The following NXPE2 variants were observed in gnomAD, a reference collection of about 807,000 sequenced individuals.
NXPE2 encodes neurexophilin and PC-esterase domain family member 2.
In NXPE2, 34 loss-of-function variants were observed where a neutral mutation model predicts 34.4. The observed-to-expected ratio is 0.99, with a 90% CI of 0.75 to 1.31. The LOEUF (loss-of-function observed/expected upper bound fraction) is 1.31. Ranked by LOEUF, NXPE2 falls within the 40% of genes most tolerant of loss-of-function variation. The probability of loss-of-function intolerance (pLI) is 0.00; values close to 1 mark genes in which losing one functional copy is unlikely to be tolerated. For synonymous variants in NXPE2, 235 were observed against 231.3 expected, an observed-to-expected ratio of 1.02 and a Z score of -0.15; for missense variants, 649 against 672.5, an observed-to-expected ratio of 0.97 and a Z score of 0.39.
At chr11:114,478,467 A>T in the NXPE2 span, among the ~76,000 whole-genome samples, 2 of 152,146 alleles carry the variant, frequency 1.3e-5, no homozygotes, top group Admixed American at 1.3e-4. Flanking sequence ...AAGGGAGAGG[A>T]GGTGTCTTTC....
the NXPE2 span, among the ~76,000 whole-genome samples, chr11:114,591,241 A>G: frequency 6.6e-6 from 1 of 152,224 alleles, no homozygotes; most frequent in Non-Finnish European, 1.5e-5. Context: ...ACTTGAATTA[A>G]GCAAGGGAAA....
the NXPE2 span, among the ~76,000 whole-genome samples, chr11:114,632,618 A>T: frequency 9.8e-6 from 1 of 101,726 alleles, no homozygotes; most frequent in Non-Finnish European, 1.8e-5. Context: ...TATTTTATAT[A>T]TATTTATATA....
At chr11:114,715,589 T>C in the NXPE2 span, among the ~76,000 whole-genome samples, 3 of 152,132 alleles carry the variant, frequency 2.0e-5, no homozygotes, top group South Asian at 6.2e-4. Flanking sequence ...AAGACCAAGG[T>C]GCTCCAGGTT....
chr11:114,777,728 G>A, the NXPE2 span, among the ~76,000 whole-genome samples: 2 of 152,196 alleles, frequency 1.3e-5, no homozygotes, highest in South Asian at 4.1e-4. Context: ...GTACAGTGAT[G>A]AAAAGCAGGA....
chr11:114,776,660 TGTAAA>T, the NXPE2 span, among the ~76,000 whole-genome samples: 8 of 152,214 alleles, frequency 5.3e-5, no homozygotes, highest in African/African-American at 1.9e-4. Context: ...CTTAACTCAT[TGTAAA>T]GTAATCTGTC....
the NXPE2 span, among the ~76,000 whole-genome samples, chr11:114,539,767 G>A: frequency 6.6e-6 from 1 of 151,986 alleles, no homozygotes; most frequent in African/African-American, 2.4e-5. Context: ...TGCAATATCA[G>A]TCAAATAAAC....
chr11:114,798,590 G>T, the NXPE2 span, among the ~76,000 whole-genome samples: 1 of 152,168 alleles, frequency 6.6e-6, no homozygotes, highest in Non-Finnish European at 1.5e-5. Context: ...CACCCTGTTG[G>T]TCAGGCTGGT....
At chr11:114,622,637 G>T in the NXPE2 span, among the ~76,000 whole-genome samples, 1 of 151,396 alleles carries the variant, frequency 6.6e-6, no homozygotes, top group African/African-American at 2.4e-5. Flanking sequence ...GATAATAAGT[G>T]TTGCCTCGTG....
chr11:114,500,107 C>T, the NXPE2 span, among the ~76,000 whole-genome samples: 6 of 151,818 alleles, frequency 4.0e-5, no homozygotes, highest in African/African-American at 1.5e-4. Flanking sequence ...TTTCTGTGGA[C>T]ATGTTTTTAT....
chr11:114,760,370 G>A, the NXPE2 span, among the ~76,000 whole-genome samples: 48,320 of 152,018 alleles, frequency 0.32, 8,461 homozygotes, highest in East Asian at 0.43. Context: ...TTCCAGAACC[G>A]GGAGAAATAA....
chr11:114,806,344 A>G, the NXPE2 span, among the ~76,000 whole-genome samples: 1 of 152,268 alleles, frequency 6.6e-6, no homozygotes, highest in African/African-American at 2.4e-5. Context: ...AGCTAGACAG[A>G]GAATGACTTG....
the NXPE2 span, chr11:114,580,167 C>T: frequency 8.7e-5 from 141 of 1,613,898 alleles, no homozygotes; most frequent in Middle Eastern, 3.3e-4. Context: ...CATCCACTGG[C>T]GGATCGTGGA....
At chr11:114,538,422 G>A in the NXPE2 span, among the ~76,000 whole-genome samples, 3 of 152,108 alleles carry the variant, frequency 2.0e-5, no homozygotes, top group South Asian at 2.1e-4. Flanking sequence ...AGCCAAAATT[G>A]ACAAATGGGA....
chr11:114,653,333 T>G, the NXPE2 span, among the ~76,000 whole-genome samples: 1 of 152,224 alleles, frequency 6.6e-6, no homozygotes, highest in Non-Finnish European at 1.5e-5. Flanking sequence ...CAGTCTGTTC[T>G]TGGTACTTTT....
At chr11:114,721,077 T>G in the NXPE2 span, among the ~76,000 whole-genome samples, 1 of 152,000 alleles carries the variant, frequency 6.6e-6, no homozygotes, top group Non-Finnish European at 1.5e-5. Context: ...ACATACACCT[T>G]TTCCTTTCCC....
At chr11:114,686,455 T>C (rs892671129) in intron 2 of NXPE2, among the ~76,000 whole-genome samples, 1 of 152,184 alleles carries the variant, frequency 6.6e-6, no homozygotes, top group African/African-American at 2.4e-5. Flanking sequence ...ATTTTGTGCT[T>C]TGTTTTGGCA....
chr11:114,807,374 G>T, the NXPE2 span, among the ~76,000 whole-genome samples: 3 of 152,180 alleles, frequency 2.0e-5, no homozygotes, highest in Non-Finnish European at 4.4e-5. Flanking sequence ...GCTAAATGCT[G>T]CAATTAAATG....
At chr11:114,791,789 G>A in the NXPE2 span, among the ~76,000 whole-genome samples, 2 of 152,230 alleles carry the variant, frequency 1.3e-5, no homozygotes, top group East Asian at 1.9e-4. Flanking sequence ...AGGCGCGGTG[G>A]CTCACGCCTG....
At chr11:114,684,611 G>A (rs932535269) in intron 2 of NXPE2, among the ~76,000 whole-genome samples, 4 of 152,044 alleles carry the variant, frequency 2.6e-5, no homozygotes, top group African/African-American at 9.7e-5. Context: ...TGGAGAAAGT[G>A]CACATGGGAA....
Sources: allele counts gnomAD v4.1 joint callset (sites outside exome capture counted in the v4.1 genomes callset), GRCh38; gene constraint gnomAD v4.1.1; transcripts MANE v1.5; gene names NCBI Gene and HGNC (gene_info 2026-07-23, HGNC 2026-07-21).